Variants in PRTFDC1 observed in about 807,000 individuals in gnomAD.
PRTFDC1 encodes the protein phosphoribosyl transferase domain containing 1, also known as phosphoribosyltransferase domain-containing protein 1.
A neutral mutation model predicts 34.6 loss-of-function variants in PRTFDC1; 38 were observed. The observed-to-expected ratio is 1.10, with a 90% CI of 0.85 to 1.44. The LOEUF is 1.44. Ranked by LOEUF, PRTFDC1 falls within the 40% of genes most tolerant of loss-of-function variation. The pLI is 0.00. For synonymous variants in PRTFDC1, 93 were observed against 98.1 expected (o/e 0.95, Z 0.31); for missense variants, 270 against 283.0 (o/e 0.95, Z 0.33).
At chr10:24,924,143 T>C (rs1018453945) in intron 3 of PRTFDC1, among the ~76,000 whole-genome samples, 3 of 152,158 alleles carry the variant, frequency 2.0e-5, no homozygotes, top group Non-Finnish European at 4.4e-5. Context: ...CCAAGAAATA[T>C]AGGACTATGT....
At chr10:24,936,137 G>C (rs929541639) in intron 3 of PRTFDC1, among the ~76,000 whole-genome samples, 1 of 152,216 alleles carries the variant, frequency 6.6e-6, no homozygotes, top group Non-Finnish European at 1.5e-5. Context: ...TGTCAAGTTA[G>C]TTTAGTCAAC....
intron 3 of PRTFDC1, among the ~76,000 whole-genome samples, chr10:24,882,849 T>A (rs2132528080): frequency 6.6e-6 from 1 of 151,176 alleles, no homozygotes; most frequent in African/African-American, 2.4e-5. Flanking sequence ...TAAAAAAAAA[T>A]CTAAATGCAA....
intron 3 of PRTFDC1, among the ~76,000 whole-genome samples, chr10:24,933,247 A>T (rs1453174759): frequency 2.0e-5 from 3 of 152,022 alleles, no homozygotes; most frequent in Non-Finnish European, 2.9e-5. Flanking sequence ...CCACAAAAGG[A>T]CACACTAGAT....
intron 3 of PRTFDC1, among the ~76,000 whole-genome samples, chr10:24,877,312 C>A (rs1432878975): frequency 6.6e-6 from 1 of 151,934 alleles, no homozygotes; most frequent in Non-Finnish European, 1.5e-5. Context: ...GGGATTATGG[C>A]CGTGAGCCAT....
chr10:24,919,595 A>G (rs971342346), intron 3 of PRTFDC1, among the ~76,000 whole-genome samples: 2 of 152,242 alleles, frequency 1.3e-5, no homozygotes, highest in Non-Finnish European at 2.9e-5. Flanking sequence ...TGACAAAAAC[A>G]TCAAAAGCAA....
At chr10:24,949,396 T>A (rs1849301247) in intron 1 of PRTFDC1, among the ~76,000 whole-genome samples, 1 of 152,104 alleles carries the variant, frequency 6.6e-6, no homozygotes, top group Non-Finnish European at 1.5e-5. Flanking sequence ...TGCCCCTTTT[T>A]AAAACTGGTA....
chr10:24,849,824 AGTGGT>A lies in PRTFDC1; in HGVS notation c.*15_*19del, dbSNP rs751452301. ...TAAATATGATGCTATCTGGGACTTT[AGTGGT>A]GAGAATTCATGTCTTTAGACTCGAT... On this transcript the variant is annotated 3_prime_UTR_variant, in exon 9 of 9. Transcript: ENST00000320152. 2.5e-6 allele frequency: 4 copies of A among 1,612,180 alleles called. No individual in the cohort carries two copies. Among genetic ancestry groups the A allele is most frequent in the Non-Finnish European group, 3.4e-6 (4 of 1,178,410 alleles).
At chr10:24,860,172 G>A (rs769681542) in intron 4 of PRTFDC1, among the ~76,000 whole-genome samples, 104 of 152,248 alleles carry the variant, frequency 6.8e-4, no homozygotes, top group Admixed American at 3.7e-3. Context: ...CTGAGGTCAG[G>A]AGTTCAAGAC....
At chr10:24,872,313 C>G (rs1847884677) in intron 3 of PRTFDC1, among the ~76,000 whole-genome samples, 1 of 152,012 alleles carries the variant, frequency 6.6e-6, no homozygotes, top group South Asian at 2.1e-4. Context: ...GGAGAGAGGA[C>G]AGACAAATCT....
intron 6 of PRTFDC1, among the ~76,000 whole-genome samples, 197 bp downstream of exon 6, chr10:24,856,716 G>A (rs989949341): frequency 1.3e-5 from 2 of 151,896 alleles, no homozygotes; most frequent in African/African-American, 4.8e-5. Context: ...ACACGGCAAA[G>A]CACGTCTTCT....
At chr10:24,936,522 G>C (rs2132606884) in intron 3 of PRTFDC1, among the ~76,000 whole-genome samples, 1 of 152,288 alleles carries the variant, frequency 6.6e-6, no homozygotes, top group East Asian at 1.9e-4. Context: ...CTGGCTTCAG[G>C]GGATCCTTCT....
chr10:24,857,128 G>A (rs1035847795), intron 5 of PRTFDC1, 133 bp from the exon 6 acceptor site: 8 of 768,838 alleles, frequency 1.0e-5, no homozygotes, highest in Admixed American at 1.0e-4. Context: ...CACAGTAGGA[G>A]GAAGAGTTGG....
intron 3 of PRTFDC1, among the ~76,000 whole-genome samples, chr10:24,891,546 A>G (rs74210040): frequency 0.018 from 2,734 of 152,110 alleles, 23 homozygotes; most frequent in South Asian, 0.036. Flanking sequence ...TAATCCCAAC[A>G]CTTTGGGGAG....
In PRTFDC1 at chr10:24,942,323, C is replaced by T. The variant is rs772772944; in HGVS notation, c.155+7G>A. 1.3e-6 allele frequency: 2 copies of T among 1,599,044 alleles called. No homozygotes were observed. The highest frequency in any genetic ancestry group is 1.7e-5 in the Admixed American group (1 of 60,004). On this transcript the variant is annotated splice_region_variant and intron_variant, in intron 2 of 8. Transcript: ENST00000320152. ...GGACCAAGATTGACACAGGAAATCA[C>T]ACTCACCTGTCCACAATGATACCAT...
chr10:24,875,646 T>C (rs1490706999), intron 3 of PRTFDC1, among the ~76,000 whole-genome samples: 3 of 152,196 alleles, frequency 2.0e-5, no homozygotes, highest in Non-Finnish European at 4.4e-5. Context: ...TGTTCCAATA[T>C]AATTTATGGA....
chr10:24,895,197 A>G (rs1848330490), intron 3 of PRTFDC1, among the ~76,000 whole-genome samples: 1 of 151,148 alleles, frequency 6.6e-6, no homozygotes, highest in Admixed American at 6.6e-5. Context: ...ATCCTGCAAA[A>G]CATTCTATTT....
chr10:24,856,504 T>C (rs1455906722), intron 6 of PRTFDC1, among the ~76,000 whole-genome samples: 2 of 151,600 alleles, frequency 1.3e-5, no homozygotes, highest in Non-Finnish European at 2.9e-5. Flanking sequence ...ATCAGAATTG[T>C]TTGAACCCAG....
chr10:24,866,347 C>T (rs7893708), intron 4 of PRTFDC1, among the ~76,000 whole-genome samples: 3,479 of 128,536 alleles, frequency 0.027, 133 homozygotes, highest in African/African-American at 0.096. Context: ...GGCGATAGAG[C>T]GAGATTCTGC....
At chr10:24,873,053 C>T (rs964346744) in intron 3 of PRTFDC1, among the ~76,000 whole-genome samples, 6 of 151,736 alleles carry the variant, frequency 4.0e-5, no homozygotes, top group African/African-American at 9.7e-5. Context: ...CTTGAACTCC[C>T]GAGCCCAAGT....
Sources: gnomAD v4.1 joint callset for allele counts (sites outside exome capture counted in the v4.1 genomes callset) on GRCh38, gnomAD v4.1.1 for gene constraint, MANE v1.5 for transcripts, NCBI Gene and HGNC (gene_info 2026-07-23, HGNC 2026-07-21) for gene names.